CNTNAP4: variants seen among roughly 807,000 people sequenced by gnomAD.
The protein encoded by CNTNAP4 is contactin associated protein family member 4, also known as contactin-associated protein-like 4.
A neutral mutation model predicts 148.4 loss-of-function variants in CNTNAP4; 98 were observed. The ratio of observed to expected loss-of-function variants is 0.66; its 90% CI spans 0.56 to 0.78. The LOEUF (loss-of-function observed/expected upper bound fraction) is 0.78, where lower values mean the gene tolerates loss of function less well. CNTNAP4 is among the 30% of genes least tolerant of loss of function. The probability of loss-of-function intolerance (pLI) is 0.00; values close to 1 mark genes in which losing one functional copy is unlikely to be tolerated. For synonymous variants in CNTNAP4, 730 were observed against 565.1 expected (o/e 1.29, Z -4.14); for missense variants, 1,935 against 1,565.6 (o/e 1.24, Z -3.98).
chr16:76,285,431 T>A (rs755800007), intron 1 of CNTNAP4, among the ~76,000 whole-genome samples: 11 of 152,070 alleles, frequency 7.2e-5, no homozygotes, highest in Non-Finnish European at 1.5e-4. Flanking sequence ...GGTTTTTAAA[T>A]CACAACGGAA....
rs118040694 is a variant in CNTNAP4 at position 76,408,632 on chromosome 16, A to G, written c.391-18820A>G. 1.2e-3 allele frequency among the ~76,000 whole-genome samples: 176 copies of G among 152,192 alleles called. 2 individuals are homozygous for G. In the East Asian group the frequency reaches 0.027, roughly 23 times the overall value. On this transcript the variant is annotated intron_variant, in intron 3 of 23. Transcript: ENST00000611870. ...TGTGTGCAAATTCCTGAAATTTAAG[A>G]TTCTATTTTCTTAAAATAGAATCTA... is the stretch of plus-strand genomic sequence containing the variant.
chr16:76,404,129 A>G (rs1477223370), intron 3 of CNTNAP4, among the ~76,000 whole-genome samples: 5 of 152,142 alleles, frequency 3.3e-5, no homozygotes, highest in Non-Finnish European at 7.4e-5. Context: ...AATAATCTGT[A>G]CAACATGAGT....
At chr16:76,449,936 C>T (rs1032985442) in intron 7 of CNTNAP4, 78 bp downstream of exon 7, 2 of 1,297,274 alleles carry the variant, frequency 1.5e-6, no homozygotes, top group Non-Finnish European at 2.1e-6. Flanking sequence ...ATTTTAGGTT[C>T]CCATTTGACA....
At chr16:76,310,827 C>T (rs1036167908) in intron 1 of CNTNAP4, among the ~76,000 whole-genome samples, 2 of 151,204 alleles carry the variant, frequency 1.3e-5, no homozygotes, top group Non-Finnish European at 1.5e-5. Context: ...TATTTTAGGT[C>T]ACCAGTGCTT....
chr16:76,515,066 C>G (rs1453130328), intron 15 of CNTNAP4, among the ~76,000 whole-genome samples: 1 of 152,054 alleles, frequency 6.6e-6, no homozygotes, highest in Admixed American at 6.6e-5. Context: ...AAAGCACAAT[C>G]CGTAAAAGGC....
At chr16:76,457,949 C>A (rs992035416) in intron 8 of CNTNAP4, among the ~76,000 whole-genome samples, 1 of 152,026 alleles carries the variant, frequency 6.6e-6, no homozygotes, top group Admixed American at 6.6e-5. Context: ...TTGCCCCATG[C>A]CCTCTCCCCT....
At chr16:76,486,056 C>T (rs1484575527) in intron 12 of CNTNAP4, among the ~76,000 whole-genome samples, 3 of 152,164 alleles carry the variant, frequency 2.0e-5, no homozygotes, top group Non-Finnish European at 4.4e-5. Context: ...AAATAGCAGC[C>T]AGCCTAAGGT....
intron 23 of CNTNAP4, among the ~76,000 whole-genome samples, chr16:76,555,621 A>G (rs1380233162): frequency 6.6e-6 from 1 of 152,254 alleles, no homozygotes; most frequent in East Asian, 1.9e-4. Context: ...AGCCAATGCT[A>G]GAACAAAATA....
intron 15 of CNTNAP4, among the ~76,000 whole-genome samples, chr16:76,503,596 G>A (rs960983800): frequency 8.5e-5 from 13 of 152,084 alleles, no homozygotes; most frequent in South Asian, 2.1e-4. Context: ...TGTTACATAC[G>A]TATACATGTG....
At chr16:76,420,847 T>G (rs2144995258) in intron 3 of CNTNAP4, among the ~76,000 whole-genome samples, 1 of 151,758 alleles carries the variant, frequency 6.6e-6, no homozygotes, top group East Asian at 1.9e-4. Context: ...CTCTTCAACT[T>G]TTTTTTTATT....
intron 1 of CNTNAP4, among the ~76,000 whole-genome samples, chr16:76,289,066 C>A (rs1304909418): frequency 7.1e-6 from 1 of 141,516 alleles, no homozygotes; most frequent in Non-Finnish European, 1.5e-5. Context: ...TCCCTCTCAC[C>A]TTTTAAAAAA....
intron 3 of CNTNAP4, among the ~76,000 whole-genome samples, chr16:76,375,361 G>A (rs974370286): frequency 4.6e-5 from 7 of 152,194 alleles, no homozygotes; most frequent in African/African-American, 1.7e-4. Context: ...GGGGGAGGTT[G>A]CAGTAAGCTG....
intron 12 of CNTNAP4, among the ~76,000 whole-genome samples, chr16:76,486,912 G>A (rs1568366415): frequency 6.6e-6 from 1 of 152,192 alleles, no homozygotes; most frequent in African/African-American, 2.4e-5. Context: ...ATTGAGGTAT[G>A]AGAGATTGAT....
At chr16:76,378,050 G>A (rs1345212036) in intron 3 of CNTNAP4, among the ~76,000 whole-genome samples, 1 of 152,184 alleles carries the variant, frequency 6.6e-6, no homozygotes, top group Non-Finnish European at 1.5e-5. Flanking sequence ...AACCCAGGCT[G>A]CTCGAATCCA....
intron 8 of CNTNAP4, among the ~76,000 whole-genome samples, chr16:76,460,372 G>C (rs1182583177): frequency 6.6e-6 from 1 of 151,892 alleles, no homozygotes; most frequent in East Asian, 2.0e-4. Flanking sequence ...GCCTCCCAAA[G>C]TACTGGGATT....
chr16:76,503,180 C>T (rs977171256), intron 15 of CNTNAP4, among the ~76,000 whole-genome samples: 2 of 152,188 alleles, frequency 1.3e-5, no homozygotes, highest in African/African-American at 2.4e-5. Context: ...GATATAACTG[C>T]TTTCCCTTTA....
chr16:76,417,894 T>C (rs2079044436), intron 3 of CNTNAP4, among the ~76,000 whole-genome samples: 1 of 151,754 alleles, frequency 6.6e-6, no homozygotes, highest in Non-Finnish European at 1.5e-5. Context: ...TTTTTACTTC[T>C]TTCAATGCTT....
chr16:76,324,608 A>G (rs1335808325), intron 2 of CNTNAP4, among the ~76,000 whole-genome samples: 2 of 152,206 alleles, frequency 1.3e-5, no homozygotes, highest in African/African-American at 4.8e-5. Flanking sequence ...CCTTACCTCA[A>G]GGTGACGGTA....
At chr16:76,465,498 T>C (rs979444247) in intron 9 of CNTNAP4, among the ~76,000 whole-genome samples, 1 of 152,192 alleles carries the variant, frequency 6.6e-6, no homozygotes, top group Non-Finnish European at 1.5e-5. Context: ...TACAGGCATA[T>C]TGCACAATTT....
Sources: gnomAD v4.1 joint callset for allele counts (sites outside exome capture counted in the v4.1 genomes callset) on GRCh38, gnomAD v4.1.1 for gene constraint, MANE v1.5 for transcripts, NCBI Gene and HGNC (gene_info 2026-07-23, HGNC 2026-07-21) for gene names.